The following NETO1 variants were observed in gnomAD, a reference collection of about 807,000 sequenced individuals.
NETO1 encodes neuropilin and tolloid like 1.
A neutral mutation model predicts 61.3 loss-of-function variants in NETO1; 26 were observed. That is an observed-to-expected ratio of 0.42 (90% CI 0.31 to 0.59). The LOEUF is 0.59. NETO1 is among the 20% of genes least tolerant of loss of function. The pLI is 0.12. For synonymous variants in NETO1, 225 were observed against 225.8 expected (o/e 1.00, Z 0.03); for missense variants, 531 against 662.8 (o/e 0.80, Z 2.18).
intron 6 of NETO1, among the ~76,000 whole-genome samples, chr18:72,792,928 CTCAT>C (rs1379744849): frequency 2.0e-5 from 3 of 152,094 alleles, no homozygotes; most frequent in Non-Finnish European, 4.4e-5. Flanking sequence ...CAAAATACTT[CTCAT>C]TAAGATTCAC....
At chr18:72,817,626 G>A (rs983856556) in intron 4 of NETO1, among the ~76,000 whole-genome samples, 1 of 152,258 alleles carries the variant, frequency 6.6e-6, no homozygotes, top group African/African-American at 2.4e-5. Context: ...GTAGCACCAA[G>A]TATTAATACC....
chr18:72,846,527 A>AAAAAAAAAAAAC, intron 4 of NETO1, among the ~76,000 whole-genome samples: 1 of 149,044 alleles, frequency 6.7e-6, no homozygotes. Flanking sequence ...AAAAAAAAAA[A>AAAAAAAAAAAAC]AAAAAAAGAA....
intron 8 of NETO1, among the ~76,000 whole-genome samples, chr18:72,755,710 G>C (rs2145103819): frequency 6.6e-6 from 1 of 152,190 alleles, no homozygotes; most frequent in South Asian, 2.1e-4. Context: ...GTAGCCACAA[G>C]CAGACAGCAT....
At chr18:72,837,059 C>T (rs11661782) in intron 4 of NETO1, among the ~76,000 whole-genome samples, 146,210 of 152,254 alleles carry the variant, frequency 0.96, 70,293 homozygotes, top group Non-Finnish European at 0.99. Context: ...CTTGAATTTC[C>T]GTGTAAATAT....
At chr18:72,831,898 G>A (rs1799709196) in intron 4 of NETO1, among the ~76,000 whole-genome samples, 1 of 152,102 alleles carries the variant, frequency 6.6e-6, no homozygotes, top group South Asian at 2.1e-4. Context: ...CTTCTTCCTA[G>A]GTAACTCTTC....
intron 4 of NETO1, among the ~76,000 whole-genome samples, chr18:72,853,069 A>T (rs2145593174): frequency 6.6e-6 from 1 of 152,108 alleles, no homozygotes; most frequent in Middle Eastern, 3.4e-3. Context: ...TCCTGACCTA[A>T]GGTGATCCAC....
At chr18:72,846,504 CAAAAA>C (rs35252443) in intron 4 of NETO1, among the ~76,000 whole-genome samples, 11 of 12,984 alleles carry the variant, frequency 8.5e-4, no homozygotes, top group African/African-American at 2.1e-3. Flanking sequence ...GACTTCATCT[CAAAAA>C]AAAAAAAAAA....
intron 4 of NETO1, among the ~76,000 whole-genome samples, chr18:72,838,296 G>A (rs1020712583): frequency 3.9e-5 from 6 of 152,128 alleles, no homozygotes; most frequent in Non-Finnish European, 7.3e-5. Context: ...TTTACATCAC[G>A]GTTCTCACTC....
intron 3 of NETO1, among the ~76,000 whole-genome samples, chr18:72,862,622 C>CTTTTT (rs11453772): frequency 8.2e-6 from 1 of 122,400 alleles, no homozygotes; most frequent in Non-Finnish European, 1.6e-5. Flanking sequence ...CTTTTTTTTT[C>CTTTTT]TTTTTTTTTT....
chr18:72,858,771 T>C (rs2074480539), intron 4 of NETO1, 55 bp downstream of exon 4: 4 of 1,490,790 alleles, frequency 2.7e-6, no homozygotes, highest in Middle Eastern at 2.4e-4. Context: ...TTTTGTACTA[T>C]GAAGATAGAA....
At chr18:72,823,427 G>A (rs1016075271) in intron 4 of NETO1, among the ~76,000 whole-genome samples, 13 of 152,114 alleles carry the variant, frequency 8.5e-5, no homozygotes, top group African/African-American at 2.2e-4. Context: ...CTGAGATCAC[G>A]TGAGGGACCT....
At chr18:72,835,248 A>G in intron 4 of NETO1, 2 of 1,538,824 alleles carry the variant, frequency 1.3e-6, no homozygotes, top group Non-Finnish European at 1.8e-6. Flanking sequence ...CACAGCATCC[A>G]GAGATGAGAT....
At chr18:72,861,143 T>TA (rs1238029661) in intron 3 of NETO1, among the ~76,000 whole-genome samples, 2 of 152,202 alleles carry the variant, frequency 1.3e-5, no homozygotes, top group African/African-American at 4.8e-5. Context: ...CCTTCGCTCT[T>TA]ATTATTTCAT....
At chr18:72,811,360 A>G (rs1358758531) in intron 4 of NETO1, among the ~76,000 whole-genome samples, 1 of 151,852 alleles carries the variant, frequency 6.6e-6, no homozygotes, top group Non-Finnish European at 1.5e-5. Context: ...CAACTCAGAA[A>G]CTCTCCAGCT....
rs2070995383 is a variant in NETO1 at position 72,762,148 on chromosome 18, A to T, written c.869-6001T>A. Among the ~76,000 whole-genome samples the T allele has an allele frequency of 3.5e-5, 5 of 143,890 alleles. No homozygotes were observed. The South Asian group carries it at 1.1e-3, about 32-fold the overall frequency. 94.4% of individuals were successfully genotyped at this position (143,890 alleles called of 152,430 possible). On this transcript the variant is annotated intron_variant, in intron 7 of 10. Coordinates refer to ENST00000327305, the MANE Select transcript of NETO1 (RefSeq NM_138966.5). ...AGATTATTAACATGTAAAGTTGGGT[A>T]AAAAATTAGAATACACTTTTTTTTT...
At chr18:72,832,627 C>T (rs1311658658) in intron 4 of NETO1, among the ~76,000 whole-genome samples, 1 of 152,188 alleles carries the variant, frequency 6.6e-6, no homozygotes, top group African/African-American at 2.4e-5. Context: ...TGTTACACAA[C>T]ATTTTCTGGC....
intron 4 of NETO1, among the ~76,000 whole-genome samples, chr18:72,831,439 C>A (rs1242724068): frequency 4.6e-5 from 7 of 152,208 alleles, no homozygotes; most frequent in Admixed American, 4.6e-4. Context: ...CTGTCTCTTC[C>A]TTCAGACAAT....
Position 72,747,866 on chromosome 18 carries a change from G to A in NETO1, c.*313C>T, listed in dbSNP as rs980026192. On this transcript the variant is annotated 3_prime_UTR_variant, in exon 11 of 11. Transcript: ENST00000327305. ...CATAAAACAACATAGAAACAAAAGT[G>A]AAACTGACAATAAAAATAAAGTTGG... 1 of 151,994 alleles carries A rather than the reference G, an allele frequency of 6.6e-6. No homozygotes were observed. Among genetic ancestry groups the A allele is most frequent in the African/African-American group, 2.4e-5 (1 of 41,360 alleles). 9.4% of individuals were successfully genotyped at this position (151,994 alleles called of 1,614,324 possible). A position where few individuals can be genotyped will look rare whatever the true frequency, so the allele number is the denominator to read the frequency against.
chr18:72,800,421 C>T (rs1004514314), intron 4 of NETO1, among the ~76,000 whole-genome samples: 2 of 152,044 alleles, frequency 1.3e-5, no homozygotes, highest in Non-Finnish European at 2.9e-5. Context: ...TGACAGTAAC[C>T]GAAATGAGAT....
Sources: allele counts gnomAD v4.1 joint callset (sites outside exome capture counted in the v4.1 genomes callset), GRCh38; gene constraint gnomAD v4.1.1; transcripts MANE v1.5; gene names NCBI Gene and HGNC (gene_info 2026-07-23, HGNC 2026-07-21).